The following GRM5 variants were observed in gnomAD, a reference collection of about 807,000 sequenced individuals.
The protein encoded by GRM5 is metabotropic glutamate receptor 5.
A neutral mutation model predicts 83.1 loss-of-function variants in GRM5; 19 were observed. That is an observed-to-expected ratio of 0.23 (90% CI 0.16 to 0.34). The LOEUF is 0.34. Ranked by LOEUF, GRM5 falls within the 10% of genes least tolerant of loss-of-function variation. GRM5 has a pLI of 1.00. For synonymous variants in GRM5, 675 were observed against 633.6 expected, an observed-to-expected ratio of 1.07 and a Z score of -0.98; for missense variants, 1,160 against 1,588.3, an observed-to-expected ratio of 0.73 and a Z score of 4.58.
chr11:88,809,938 CT>C (rs1397093825), intron 3 of GRM5, among the ~76,000 whole-genome samples: 1 of 151,828 alleles, frequency 6.6e-6, no homozygotes, highest in Non-Finnish European at 1.5e-5. Context: ...TTTCTTAAAC[CT>C]GATATTTGAA....
At chr11:88,565,262 A>G (rs1334822402) in intron 8 of GRM5, among the ~76,000 whole-genome samples, 1 of 152,220 alleles carries the variant, frequency 6.6e-6, no homozygotes, top group Admixed American at 6.5e-5. Flanking sequence ...AGTGCCTACT[A>G]TGTGCCAGCC....
intron 3 of GRM5, among the ~76,000 whole-genome samples, chr11:88,735,996 C>CAACA (rs1941906014): frequency 6.6e-6 from 1 of 152,022 alleles, no homozygotes; most frequent in African/African-American, 2.4e-5. Context: ...CCCAGAGTTA[C>CAACA]AACACTTCTG....
intron 2 of GRM5, among the ~76,000 whole-genome samples, chr11:88,930,131 T>C (rs1937656028): frequency 6.6e-6 from 1 of 152,000 alleles, no homozygotes; most frequent in South Asian, 2.1e-4. Flanking sequence ...AAAAATAATT[T>C]GTGCTGGGTG....
intron 2 of GRM5, among the ~76,000 whole-genome samples, chr11:88,858,760 A>G (rs1423982820): frequency 1.3e-5 from 2 of 152,010 alleles, no homozygotes; most frequent in Non-Finnish European, 2.9e-5. Flanking sequence ...TTGAAAGAAA[A>G]CCAAATTTGG....
chr11:88,819,449 T>G (rs1040679806), intron 3 of GRM5, among the ~76,000 whole-genome samples: 6 of 152,234 alleles, frequency 3.9e-5, no homozygotes, highest in African/African-American at 1.2e-4. Context: ...TCATCTAAAC[T>G]CACATATTTA....
chr11:88,905,758 A>G (rs1481793054), intron 2 of GRM5, among the ~76,000 whole-genome samples: 2 of 152,130 alleles, frequency 1.3e-5, no homozygotes, highest in South Asian at 4.1e-4. Context: ...TCATTTTGAA[A>G]GACATTTCTG....
At chr11:88,952,584 G>A (rs1166474420) in intron 2 of GRM5, among the ~76,000 whole-genome samples, 3 of 151,360 alleles carry the variant, frequency 2.0e-5, no homozygotes, top group Non-Finnish European at 4.4e-5. Flanking sequence ...ACTACCTCTT[G>A]TAAATTCCAT....
intron 2 of GRM5, among the ~76,000 whole-genome samples, chr11:88,870,635 G>C (rs1944749691): frequency 6.6e-6 from 1 of 151,614 alleles, no homozygotes; most frequent in Non-Finnish European, 1.5e-5. Context: ...AGGATAGCCA[G>C]GCAGTAGAAG....
chr11:89,014,958 T>G (rs1447681958), intron 2 of GRM5, among the ~76,000 whole-genome samples: 1 of 152,228 alleles, frequency 6.6e-6, no homozygotes, highest in African/African-American at 2.4e-5. Context: ...TCATCCATCT[T>G]TCACTAGGGC....
In GRM5 at chr11:88,721,334, A is replaced by G. The variant is rs189174072; in HGVS notation, c.912-67931T>C. 6.6e-5 allele frequency among the ~76,000 whole-genome samples: 10 copies of G among 152,214 alleles called. No homozygotes were observed. The East Asian group carries it at 9.7e-4, about 15-fold the overall frequency. On this transcript the variant is annotated intron_variant, in intron 3 of 9. Coordinates refer to ENST00000305447, the MANE Select transcript of GRM5 (RefSeq NM_001143831.3). ...CGGGAAGAGTTCGCATCTTGTCATT[A>G]AAGCCACCCCTGCATCATTGGAATA...
chr11:88,783,036 T>C (rs1490669657), intron 3 of GRM5, among the ~76,000 whole-genome samples: 3 of 152,124 alleles, frequency 2.0e-5, no homozygotes, highest in Non-Finnish European at 4.4e-5. Context: ...CAAAACTAGA[T>C]CCAGAACTAA....
At chr11:89,057,688 C>A (rs1941906918) in intron 1 of GRM5, among the ~76,000 whole-genome samples, 1 of 152,124 alleles carries the variant, frequency 6.6e-6, no homozygotes, top group South Asian at 2.1e-4. Context: ...TTTTACACAT[C>A]CTGTAGCCTT....
At chr11:88,922,865 C>G (rs982919880) in intron 2 of GRM5, among the ~76,000 whole-genome samples, 4 of 151,866 alleles carry the variant, frequency 2.6e-5, no homozygotes, top group African/African-American at 9.7e-5. Flanking sequence ...ATAAGAAGCT[C>G]AAGCAACTCA....
At chr11:88,531,083 C>A (rs1941997344) in intron 8 of GRM5, among the ~76,000 whole-genome samples, 1 of 152,052 alleles carries the variant, frequency 6.6e-6, no homozygotes, top group South Asian at 2.1e-4. Flanking sequence ...TAACTAGATT[C>A]CATGAGTCTA....
chr11:88,996,577 G>A (rs576365705), intron 2 of GRM5, among the ~76,000 whole-genome samples: 1 of 152,330 alleles, frequency 6.6e-6, no homozygotes, highest in South Asian at 2.1e-4. Flanking sequence ...CCACATTTTA[G>A]TGGGGTACTT....
At chr11:88,723,902 T>C (rs939834453) in intron 3 of GRM5, among the ~76,000 whole-genome samples, 2 of 152,154 alleles carry the variant, frequency 1.3e-5, no homozygotes, top group African/African-American at 4.8e-5. Flanking sequence ...ATTCAGGGAG[T>C]ACATGTGCAT....
intron 3 of GRM5, among the ~76,000 whole-genome samples, chr11:88,800,744 G>A (rs1275738383): frequency 6.6e-6 from 1 of 152,104 alleles, no homozygotes; most frequent in East Asian, 1.9e-4. Context: ...TAATGGCAAT[G>A]ACACCTTCAA....
At chr11:88,975,249 G>T (rs1261153506) in intron 2 of GRM5, among the ~76,000 whole-genome samples, 3 of 152,214 alleles carry the variant, frequency 2.0e-5, no homozygotes, top group African/African-American at 7.2e-5. Context: ...CACAAACCGT[G>T]ATGGCAGCCA....
chr11:88,604,769 C>A lies in GRM5; in HGVS notation c.1343G>T (p.Gly448Val). Residue 448 changes from glycine (G) to valine (V), a missense_variant, in exon 5 of 10, where the codon GGG becomes GTG. Physicochemically the swap from Gly to Val is moderately radical, Grantham distance 109. Transcript: ENST00000305447. ...LESLMKTNFT[G>V]VSGDTILFDE... ...GAATAGGATCGTATCTCCAGAAACC[C>A]CAGTAAAATTGGTTTTCATCAGGGA... 1 of 1,612,310 alleles carries A rather than the reference C, an allele frequency of 6.2e-7. No individual in the cohort carries two copies. Among genetic ancestry groups the A allele is most frequent in the Non-Finnish European group, 8.5e-7 (1 of 1,178,480 alleles).
Sources: gnomAD v4.1 joint callset for allele counts (sites outside exome capture counted in the v4.1 genomes callset) on GRCh38, gnomAD v4.1.1 for gene constraint, MANE v1.5 for transcripts, NCBI Gene and HGNC (gene_info 2026-07-23, HGNC 2026-07-21) for gene names.